Variants in PHACTR1 observed in about 807,000 individuals in gnomAD.
PHACTR1 encodes phosphatase and actin regulator 1, also known as RPEL repeat containing 1.
PHACTR1 carries 16 observed loss-of-function variants against 69.2 expected under a neutral mutation model. The observed-to-expected ratio is 0.23, with a 90% CI of 0.16 to 0.35. PHACTR1 has a LOEUF of 0.35. Ranked by LOEUF, PHACTR1 falls within the 10% of genes least tolerant of loss-of-function variation. The pLI, the probability that PHACTR1 is intolerant of heterozygous loss-of-function variation, is 1.00. For synonymous variants in PHACTR1, 312 were observed against 284.5 expected (o/e 1.10, Z -0.97); for missense variants, 510 against 734.7 (o/e 0.69, Z 3.54).
At chr6:13,115,286 C>A in intron 5 of PHACTR1, among the ~76,000 whole-genome samples, 1 of 152,144 alleles carries the variant, frequency 6.6e-6, no homozygotes, top group East Asian at 1.9e-4. Context: ...TTACTGCAAT[C>A]CAACTCAACA....
At chr6:13,226,154 T>A (rs1769642135) in intron 8 of PHACTR1, among the ~76,000 whole-genome samples, 2 of 152,244 alleles carry the variant, frequency 1.3e-5, no homozygotes, top group South Asian at 2.1e-4. Context: ...GGCTTTTTTT[T>A]AAGTTGATTT....
intron 4 of PHACTR1, among the ~76,000 whole-genome samples, chr6:12,937,978 T>C (rs573872210): frequency 7.2e-5 from 11 of 152,186 alleles, no homozygotes; most frequent in Non-Finnish European, 2.9e-5. Context: ...CACATGCCTG[T>C]AATCCCAGCT....
At chr6:12,965,678 G>T (rs1793394112) in intron 4 of PHACTR1, among the ~76,000 whole-genome samples, 1 of 152,122 alleles carries the variant, frequency 6.6e-6, no homozygotes, top group Non-Finnish European at 1.5e-5. Context: ...ATCCGGCATG[G>T]TTCAACAGAA....
intron 4 of PHACTR1, among the ~76,000 whole-genome samples, chr6:12,852,087 G>C (rs1423385459): frequency 1.3e-5 from 2 of 152,092 alleles, no homozygotes; most frequent in Admixed American, 6.5e-5. Context: ...CCCCCTCCTT[G>C]GCCTCCCAAA....
At chr6:13,187,119 G>A (rs1762918578) in intron 7 of PHACTR1, among the ~76,000 whole-genome samples, 1 of 152,144 alleles carries the variant, frequency 6.6e-6, no homozygotes, top group Non-Finnish European at 1.5e-5. Context: ...GGGAGTGGCT[G>A]TAAATACAAA....
At chr6:12,931,760 T>C (rs9381512) in intron 4 of PHACTR1, among the ~76,000 whole-genome samples, 24,228 of 151,026 alleles carry the variant, frequency 0.16, 4,365 homozygotes, top group African/African-American at 0.45. Flanking sequence ...TTTCTGTTAG[T>C]GCAGGCAAGC....
chr6:13,187,679 C>A (rs1762989687), intron 7 of PHACTR1, among the ~76,000 whole-genome samples: 1 of 152,188 alleles, frequency 6.6e-6, no homozygotes, highest in Non-Finnish European at 1.5e-5. Context: ...AGAGAAGCCA[C>A]CACCAAGGCT....
intron 4 of PHACTR1, among the ~76,000 whole-genome samples, chr6:12,920,955 T>C: frequency 6.6e-6 from 1 of 152,246 alleles, no homozygotes; most frequent in East Asian, 1.9e-4. Context: ...AGTTGGATAC[T>C]GGGTTTGGCA....
At position 13,049,952 on chromosome 6, in the gene PHACTR1, T is replaced by G. The variant is rs1000218915; in HGVS notation, c.251-3413T>G. Among the ~76,000 whole-genome samples, 2 of 152,052 alleles carry G rather than the reference T, an allele frequency of 1.3e-5. 1 individual carries two copies. Among genetic ancestry groups the G allele is most frequent in the Non-Finnish European group, 2.9e-5 (2 of 68,008 alleles). ...AATATAGGTTTGGAGACTTGTAAAA[T>G]GTGGACAAAAGCAACAAGACTATAC... On this transcript the variant is annotated intron_variant, in intron 4 of 14. Coordinates refer to ENST00000332995, the MANE Select transcript of PHACTR1 (RefSeq NM_030948.6).
At position 13,179,395 on chromosome 6, in the gene PHACTR1, A is replaced by T. The variant is rs571147855; in HGVS notation, c.497-3124A>T. 1.6e-5 allele frequency among the ~76,000 whole-genome samples: 2 copies of T among 127,088 alleles called. No individual in the cohort carries two copies. Among genetic ancestry groups the T allele is most frequent in the East Asian group, 2.1e-4 (1 of 4,854 alleles). 83.4% of individuals were successfully genotyped at this position (127,088 alleles called of 152,430 possible). ...ATGATGGGTATATACAGCCCATTAC[A>T]TTAATGTTTCGTGTGTGTGTGTGTG... On this transcript the variant is annotated intron_variant, in intron 6 of 14. Coordinates refer to ENST00000332995, the MANE Select transcript of PHACTR1 (RefSeq NM_030948.6). This position sits in a 1 kb window ranked among gnomAD's most constrained non-coding sequence, Gnocchi z 4.2.
At chr6:13,127,071 G>A (rs981177989) in intron 5 of PHACTR1, among the ~76,000 whole-genome samples, 9 of 152,200 alleles carry the variant, frequency 5.9e-5, no homozygotes, top group African/African-American at 9.7e-5. Context: ...AGTAAATTAC[G>A]AAAATATAAC....
chr6:13,244,665 C>T (rs763324966), intron 10 of PHACTR1, among the ~76,000 whole-genome samples: 15 of 152,104 alleles, frequency 9.9e-5, no homozygotes, highest in East Asian at 7.7e-4. Flanking sequence ...CTGTTCTGCC[C>T]GGCTCACCGG....
intron 4 of PHACTR1, among the ~76,000 whole-genome samples, chr6:12,844,799 G>T (rs546216689): frequency 6.6e-6 from 1 of 152,260 alleles, no homozygotes; most frequent in African/African-American, 2.4e-5. Context: ...TACCACTAAA[G>T]AAATGATGGG....
chr6:13,061,802 A>C (rs1177517560), intron 5 of PHACTR1, among the ~76,000 whole-genome samples: 1 of 152,138 alleles, frequency 6.6e-6, no homozygotes, highest in East Asian at 1.9e-4. Context: ...TCTGGGAAAA[A>C]TTTTGTTTTT....
At chr6:12,794,430 C>G (rs1772721784) in intron 4 of PHACTR1, among the ~76,000 whole-genome samples, 1 of 152,194 alleles carries the variant, frequency 6.6e-6, no homozygotes, top group African/African-American at 2.4e-5. Flanking sequence ...ACCAAGGGAA[C>G]TGCCCAAACA....
rs1582890558 is a variant in PHACTR1, at chr6:12,998,290, G to A, written c.251-55075G>A. ...TAAAAAGAGAATATAGGTGAAGATT[G>A]CATAACCTCATCATAGAAAAGAATT... On this transcript the variant is annotated intron_variant, in intron 4 of 14. Coordinates refer to ENST00000332995, the MANE Select transcript of PHACTR1 (RefSeq NM_030948.6). Among the ~76,000 whole-genome samples, 3 of 152,242 alleles carry A rather than the reference G, an allele frequency of 2.0e-5. No homozygotes were observed. In the East Asian group the frequency reaches 5.8e-4, roughly 29 times the overall value.
chr6:13,185,768 G>A (rs887867854), intron 7 of PHACTR1, among the ~76,000 whole-genome samples: 2 of 152,142 alleles, frequency 1.3e-5, no homozygotes, highest in African/African-American at 4.8e-5. Context: ...CTGATCGACT[G>A]CCTTTTTAAA....
intron 5 of PHACTR1, among the ~76,000 whole-genome samples, chr6:13,073,757 A>G (rs1389536698): frequency 6.6e-6 from 1 of 152,148 alleles, no homozygotes; most frequent in East Asian, 1.9e-4. Context: ...CATAGATGGG[A>G]CCAGATGACA....
At chr6:13,151,658 A>G (rs1174864744) in intron 5 of PHACTR1, among the ~76,000 whole-genome samples, 1 of 152,228 alleles carries the variant, frequency 6.6e-6, no homozygotes, top group Non-Finnish European at 1.5e-5. Flanking sequence ...GGGAAGAGCT[A>G]TGGAACCATT....
Sources: allele counts gnomAD v4.1 joint callset (sites outside exome capture counted in the v4.1 genomes callset), GRCh38; gene constraint gnomAD v4.1.1; non-coding constraint Gnocchi (gnomAD v3.1); transcripts MANE v1.5; gene names NCBI Gene and HGNC (gene_info 2026-07-23, HGNC 2026-07-21).